The following ZNF837 variants were observed in gnomAD, a reference collection of about 807,000 sequenced individuals.
The protein encoded by ZNF837 is zinc finger protein 837.
For missense variants in ZNF837, 955 were observed against 801.7 expected, an observed-to-expected ratio of 1.19 and a Z score of -2.31; for synonymous variants, 475 against 365.2, an observed-to-expected ratio of 1.30 and a Z score of -3.43.
chr19:58,380,580 G>A (rs913136239), intron 1 of ZNF837, among the ~76,000 whole-genome samples: 13 of 152,276 alleles, frequency 8.5e-5, no homozygotes, highest in African/African-American at 2.9e-4. Context: ...GGATGCGGGG[G>A]CAGAGACGGT....
Position 58,368,555 on chromosome 19 carries a change from G to C in ZNF837, c.778C>G (p.Pro260Ala). ...PECGQTSRPR[P>A]IVPDPPAQRL... ...TGGGCCGGGGGGTCGGGGACAATAG[G>C]GCGAGGTCGCGAGGTTTGGCCGCAC... is the stretch of plus-strand genomic sequence containing the variant. Residue 260 changes from proline (P) to alanine (A), a missense_variant, in exon 3 of 3, where the codon CCT (proline) becomes GCT (alanine). Transcript: ENST00000597582. 1 of 1,538,540 alleles carries C rather than the reference G, an allele frequency of 6.5e-7. No individual in the cohort carries two copies. The highest frequency in any genetic ancestry group is 2.5e-5 in the East Asian group (1 of 40,810).
At chr19:58,378,785 G>C (rs2052268828) in intron 1 of ZNF837, among the ~76,000 whole-genome samples, 1 of 152,188 alleles carries the variant, frequency 6.6e-6, no homozygotes, top group South Asian at 2.1e-4. Flanking sequence ...CCAATGACAG[G>C]TGTCCTTATG....
chr19:58,370,724 C>T (rs886583916), intron 1 of ZNF837, among the ~76,000 whole-genome samples: 1 of 151,162 alleles, frequency 6.6e-6, no homozygotes, highest in Admixed American at 6.6e-5. Context: ...AGAGAAACCC[C>T]GTCTCTACTA....
intron 1 of ZNF837, among the ~76,000 whole-genome samples, chr19:58,373,134 T>C (rs148414622): frequency 2.0e-4 from 30 of 152,336 alleles, no homozygotes; most frequent in African/African-American, 7.2e-4. Flanking sequence ...CCTCTGCACC[T>C]TAAAGCCACT....
intron 1 of ZNF837, among the ~76,000 whole-genome samples, chr19:58,380,255 G>A (rs897766724): frequency 7.9e-5 from 12 of 152,188 alleles, no homozygotes; most frequent in Non-Finnish European, 1.5e-4. Flanking sequence ...CTGAGTGCAG[G>A]CACAGCTCCC....
intron 1 of ZNF837, among the ~76,000 whole-genome samples, chr19:58,373,079 TC>T (rs2122125313): frequency 6.6e-6 from 1 of 152,250 alleles, no homozygotes; most frequent in South Asian, 2.1e-4. Flanking sequence ...AACCCTCCTG[TC>T]CCCTCCAGGC....
Position 58,368,164 on chromosome 19 carries a change from G to A in ZNF837, c.1169C>T (p.Pro390Leu). 6.3e-7 allele frequency: 1 copy of A among 1,588,200 alleles called. No individual in the cohort carries two copies. The highest frequency in any genetic ancestry group is 1.7e-4 in the Middle Eastern group (1 of 6,008). The change falls in exon 3 of 3, where the codon CCC becomes CTC. Residue 390 changes from proline (P) to leucine (L), a missense_variant. Pro to Leu is a moderately conservative substitution (Grantham distance 98). Transcript: ENST00000597582. ...CTTGCCGCACTCGGGGCACGCGTAG[G>A]GCTTCTCGCCGGTGTGCACGCGCCG... The part of the protein sequence containing the change: ...EHRRVHTGEK[P>L]YACPECGKAF...
intron 1 of ZNF837, among the ~76,000 whole-genome samples, chr19:58,376,670 C>T (rs2052250789): frequency 6.6e-6 from 1 of 150,498 alleles, no homozygotes; most frequent in Admixed American, 6.6e-5. Context: ...TAATTTCTCA[C>T]ACACAGCCAA....
In ZNF837 at chr19:58,368,206, G is replaced by C. The variant is rs774324580; in HGVS notation, c.1127C>G (p.Ser376Trp). 6.4e-7 allele frequency: 1 copy of C among 1,554,608 alleles called. No homozygotes were observed. Among genetic ancestry groups the C allele is most frequent in the Non-Finnish European group, 8.7e-7 (1 of 1,153,430 alleles). The stretch of plus-strand genomic sequence containing the variant: ...CACGCGCCGGTGCTCCACGAGGTGC[G>C]AGAACAGCCCGAAGGCCTTGGCGCA... ...ADCAKAFGLF[S>W]HLVEHRRVHT... Residue 376 changes from serine to tryptophan, a missense_variant, in exon 3 of 3, where the codon TCG becomes TGG. By Grantham distance (177) the Ser-to-Trp change is radical. Coordinates refer to ENST00000597582, the MANE Select transcript of ZNF837 (RefSeq NM_138466.2).
intron 1 of ZNF837, among the ~76,000 whole-genome samples, chr19:58,370,279 G>A (rs1345981568): frequency 6.6e-6 from 1 of 152,152 alleles, no homozygotes; most frequent in African/African-American, 2.4e-5. Flanking sequence ...CTTCAAGCCA[G>A]CAGTAAGACA....
rs59075587 is a variant in ZNF837 at position 58,376,554 on chromosome 19, C to CA, written c.-140+4386dup. Among the ~76,000 whole-genome samples the CA allele has an allele frequency of 5.3e-4, 36 of 67,790 alleles. 2 individuals carry two copies. The highest frequency in any genetic ancestry group is 1.0e-3 in the Admixed American group (6 of 5,750). The allele number at this position is 67,790 out of a possible 152,430, so 44.5% of individuals were successfully genotyped here. On this transcript the variant is annotated intron_variant, in intron 1 of 2. Transcript: ENST00000597582. The stretch of plus-strand genomic sequence containing the variant: ...TGGGTGACAGAGCAAGACTCTGTCT[C>CA]AAAAAAAAAAAAAAAAAAAAAAAAA...
Position 58,367,692 on chromosome 19 carries a change from C to G in ZNF837, c.*45G>C. 1 of 1,454,646 alleles carries G rather than the reference C, an allele frequency of 6.9e-7. No homozygotes were observed. The highest frequency in any genetic ancestry group is 1.4e-5 in the African/African-American group (1 of 69,480). 90.1% of individuals were successfully genotyped at this position (1,454,646 alleles called of 1,614,324 possible). A position where few individuals can be genotyped will look rare whatever the true frequency, so the allele number is the denominator to read the frequency against. Reference sequence around the variant, plus strand: ...TTCCGGGACAAAGGCCCCTCCTCGACGCAGGGTTCGCTTGGGCGACGCGTC... The same window carrying G: ...TTCCGGGACAAAGGCCCCTCCTCGAGGCAGGGTTCGCTTGGGCGACGCGTC... On this transcript the variant is annotated 3_prime_UTR_variant, in exon 3 of 3. Coordinates refer to ENST00000597582, the MANE Select transcript of ZNF837 (RefSeq NM_138466.2).
rs777954279 is a variant in ZNF837, at chr19:58,368,599, C to T, written c.734G>A (p.Ser245Asn). 2 of 1,533,624 alleles carry T rather than the reference C, an allele frequency of 1.3e-6. No homozygotes were observed. The highest frequency in any genetic ancestry group is 1.7e-6 in the Non-Finnish European group (2 of 1,144,374). ...GCCGCACTCAGGACACACTGGGGGACTCTTGCCCGCCTGCTGCTGCTGGTT... is the reference window on the plus strand; with the variant it reads ...GCCGCACTCAGGACACACTGGGGGATTCTTGCCCGCCTGCTGCTGCTGGTT... ...RPNQQQQAGK[S>N]PPVCPECGQT... is the part of the protein sequence containing the mutation. The change falls in exon 3 of 3, where the codon AGT (serine) becomes AAT (asparagine). Residue 245 changes from serine (S) to asparagine (N), a missense_variant. Coordinates refer to ENST00000597582, the MANE Select transcript of ZNF837 (RefSeq NM_138466.2).
chr19:58,377,214 C>CAA (rs59075033), intron 1 of ZNF837, among the ~76,000 whole-genome samples: 41,113 of 94,438 alleles, frequency 0.44, 8,089 homozygotes, highest in Middle Eastern at 0.46. Flanking sequence ...GAGACTCCGT[C>CAA]AAAAAAAAAA....
intron 1 of ZNF837, among the ~76,000 whole-genome samples, chr19:58,380,249 G>C (rs554153100): frequency 6.6e-6 from 1 of 152,220 alleles, no homozygotes; most frequent in Non-Finnish European, 1.5e-5. Flanking sequence ...TGTCCTCTGA[G>C]TGCAGGCACA....
At chr19:58,375,242 C>T (rs1227834379) in intron 1 of ZNF837, among the ~76,000 whole-genome samples, 12 of 74,906 alleles carry the variant, frequency 1.6e-4, no homozygotes, top group Admixed American at 5.1e-4. Flanking sequence ...GGCAACAGAG[C>T]GAGAATCTGT....
chr19:58,373,095 G>A (rs2122125338), intron 1 of ZNF837, among the ~76,000 whole-genome samples: 1 of 152,342 alleles, frequency 6.6e-6, no homozygotes, highest in African/African-American at 2.4e-5. Context: ...CCAGGCCTGT[G>A]TGAGACAGGA....
intron 1 of ZNF837, among the ~76,000 whole-genome samples, chr19:58,370,698 C>G (rs939025618): frequency 4.0e-5 from 6 of 148,972 alleles, no homozygotes; most frequent in African/African-American, 1.5e-4. Flanking sequence ...GAGTTTGAGA[C>G]CAGCCTGACC....
In ZNF837 at chr19:58,369,486, G is replaced by A. The variant is rs2052180768; in HGVS notation, c.-29-125C>T. 15 of 739,070 alleles carry A rather than the reference G, an allele frequency of 2.0e-5. No homozygotes were observed. The East Asian group carries it at 3.7e-4, about 18-fold the overall frequency. The allele number at this position is 739,070 out of a possible 1,614,324, so 45.8% of individuals were successfully genotyped here. A position where few individuals can be genotyped will look rare whatever the true frequency, so the allele number is the denominator to read the frequency against. On this transcript the variant is annotated intron_variant, in intron 2 of 2. Coordinates refer to ENST00000597582, the MANE Select transcript of ZNF837 (RefSeq NM_138466.2). ...GCGGCCCCCAGCTCTCTGCAGATGC[G>A]AAAGGGTAAATGGAGTGACATAGGC...
Sources: allele counts gnomAD v4.1 joint callset (sites outside exome capture counted in the v4.1 genomes callset), GRCh38; gene constraint gnomAD v4.1.1; transcripts MANE v1.5; gene names NCBI Gene and HGNC (gene_info 2026-07-23, HGNC 2026-07-21).